LINGO2: variants seen among roughly 807,000 people sequenced by gnomAD.
The protein encoded by LINGO2 is leucine-rich repeat and immunoglobulin-like domain-containing nogo receptor-interacting protein 2.
In LINGO2, 14 loss-of-function variants were observed where a neutral mutation model predicts 30.6. That is an observed-to-expected ratio of 0.46 (90% CI 0.30 to 0.72). The LOEUF (loss-of-function observed/expected upper bound fraction) is 0.72. LINGO2 is among the 30% of genes least tolerant of loss of function. The pLI is 0.07. For synonymous variants in LINGO2, 317 were observed against 288.5 expected, an observed-to-expected ratio of 1.10 and a Z score of -1.00; for missense variants, 729 against 751.7, an observed-to-expected ratio of 0.97 and a Z score of 0.35.
At chr9:28,945,154 T>A in the LINGO2 span, among the ~76,000 whole-genome samples, 1 of 152,168 alleles carries the variant, frequency 6.6e-6, no homozygotes, top group South Asian at 2.1e-4. Flanking sequence ...GGCCCTATCG[T>A]TTTCTAACCT....
At chr9:28,670,896 T>C (rs1048654862), upstream of LINGO2, among the ~76,000 whole-genome samples, 5 of 152,096 alleles carry the variant, frequency 3.3e-5, no homozygotes, top group Non-Finnish European at 5.9e-5. Flanking sequence ...CTTGCTAAAA[T>C]AACAAGATAC....
chr9:29,138,097 T>C, the LINGO2 span, among the ~76,000 whole-genome samples: 19 of 152,102 alleles, frequency 1.2e-4, no homozygotes, highest in East Asian at 2.5e-3. Context: ...GATTATACTA[T>C]GCTGCTTTGC....
At chr9:28,667,069 T>C (rs956513416) in intron 1 of LINGO2, among the ~76,000 whole-genome samples, 1 of 152,136 alleles carries the variant, frequency 6.6e-6, no homozygotes, top group Non-Finnish European at 1.5e-5. Context: ...AAAAAAGATG[T>C]GAAGTGTTAT....
the LINGO2 span, among the ~76,000 whole-genome samples, chr9:29,007,364 C>G: frequency 6.6e-6 from 1 of 152,032 alleles, no homozygotes; most frequent in Non-Finnish European, 1.5e-5. Flanking sequence ...TCTCTGTACT[C>G]CATTATATAT....
chr9:28,543,478 C>A (rs1439682782), intron 1 of LINGO2, among the ~76,000 whole-genome samples: 1 of 152,010 alleles, frequency 6.6e-6, no homozygotes, highest in Non-Finnish European at 1.5e-5. Context: ...ATGTAGAGCA[C>A]TGAATAATTT....
chr9:28,016,639 A>G (rs1822852709), intron 4 of LINGO2, among the ~76,000 whole-genome samples: 1 of 109,588 alleles, frequency 9.1e-6, no homozygotes, highest in Non-Finnish European at 1.8e-5. Context: ...CCAGGAAGAC[A>G]CTGAATCTCC....
chr9:28,342,863 A>G (rs1230760549), intron 3 of LINGO2, among the ~76,000 whole-genome samples: 1 of 152,180 alleles, frequency 6.6e-6, no homozygotes, highest in Admixed American at 6.5e-5. Flanking sequence ...CCTCATTTAA[A>G]CAAAACAATA....
intron 1 of LINGO2, among the ~76,000 whole-genome samples, chr9:28,575,058 A>C (rs1823885308): frequency 6.6e-6 from 1 of 152,202 alleles, no homozygotes; most frequent in African/African-American, 2.4e-5. Context: ...CTTTGCAATA[A>C]CCTGGATGCA....
the LINGO2 span, among the ~76,000 whole-genome samples, chr9:28,703,382 A>T: frequency 6.6e-6 from 1 of 151,798 alleles, no homozygotes; most frequent in South Asian, 2.1e-4. Context: ...ATGAGGTGTT[A>T]TTTAGACGTG....
chr9:29,195,995 CA>C, the LINGO2 span, among the ~76,000 whole-genome samples: 29 of 152,228 alleles, frequency 1.9e-4, no homozygotes, highest in African/African-American at 6.7e-4. Context: ...TCACACGAAT[CA>C]TTTCCATGTG....
intron 5 of LINGO2, among the ~76,000 whole-genome samples, chr9:27,981,911 C>T (rs1247254910): frequency 6.6e-6 from 1 of 151,740 alleles, no homozygotes; most frequent in Non-Finnish European, 1.5e-5. Flanking sequence ...GCAACATGTA[C>T]CAGGTTAGTT....
chr9:28,957,090 G>T, the LINGO2 span, among the ~76,000 whole-genome samples: 2 of 151,976 alleles, frequency 1.3e-5, no homozygotes, highest in African/African-American at 4.8e-5. Flanking sequence ...CAAGTGTCTG[G>T]ACTCAACATA....
intron 4 of LINGO2, among the ~76,000 whole-genome samples, chr9:28,031,038 C>G (rs1823643566): frequency 2.0e-5 from 3 of 152,110 alleles, no homozygotes; most frequent in South Asian, 2.1e-4. Context: ...TATACTTTCC[C>G]AATTCTAATA....
intron 4 of LINGO2, among the ~76,000 whole-genome samples, chr9:28,287,033 T>C (rs1823536171): frequency 6.6e-6 from 1 of 152,140 alleles, no homozygotes; most frequent in Admixed American, 6.5e-5. Context: ...TTACCAGACC[T>C]GAGTATGTAT....
chr9:28,585,376 G>C (rs1353660072), intron 1 of LINGO2, among the ~76,000 whole-genome samples: 1 of 151,954 alleles, frequency 6.6e-6, no homozygotes, highest in Non-Finnish European at 1.5e-5. Flanking sequence ...ACTGCTGAGA[G>C]GAGAGCTATG....
chr9:28,692,617 T>C, the LINGO2 span, among the ~76,000 whole-genome samples: 1 of 152,196 alleles, frequency 6.6e-6, no homozygotes, highest in African/African-American at 2.4e-5. Flanking sequence ...CCTGCCTCCA[T>C]ACATTCATGC....
intron 1 of LINGO2, among the ~76,000 whole-genome samples, chr9:28,646,811 A>G (rs1303026748): frequency 6.6e-6 from 1 of 152,142 alleles, no homozygotes; most frequent in African/African-American, 2.4e-5. Context: ...GCAGGATAAT[A>G]TAGTTTGTTC....
intron 2 of LINGO2, among the ~76,000 whole-genome samples, chr9:28,422,054 C>T (rs1402994506): frequency 1.3e-5 from 2 of 151,942 alleles, no homozygotes; most frequent in African/African-American, 2.4e-5. Context: ...AACTATAAAA[C>T]TCTTTGAAGA....
chr9:28,848,696 A>G, the LINGO2 span, among the ~76,000 whole-genome samples: 1 of 151,532 alleles, frequency 6.6e-6, no homozygotes, highest in African/African-American at 2.4e-5. Context: ...ACACCATGAG[A>G]GTGAAAGGCC....
Sources: gnomAD v4.1 joint callset for allele counts (sites outside exome capture counted in the v4.1 genomes callset) on GRCh38, gnomAD v4.1.1 for gene constraint, MANE v1.5 for transcripts, NCBI Gene and HGNC (gene_info 2026-07-23, HGNC 2026-07-21) for gene names.